Variants in PTCHD4 observed in about 807,000 individuals in gnomAD.
PTCHD4 encodes patched domain containing 4, also known as patched domain-containing protein 4.
Under a neutral mutation model 58.1 loss-of-function variants are expected in PTCHD4, and 33 were observed. The ratio of observed to expected loss-of-function variants is 0.57; its 90% CI spans 0.43 to 0.76. PTCHD4 has a LOEUF of 0.76. Among genes scored for constraint, PTCHD4 ranks in the 30% least tolerant of loss-of-function variants. The pLI, the probability that PTCHD4 is intolerant of heterozygous loss-of-function variation, is 0.00. For missense variants in PTCHD4, 1,058 were observed against 1,027.1 expected, an observed-to-expected ratio of 1.03 and a Z score of -0.41; for synonymous variants, 478 against 409.6, an observed-to-expected ratio of 1.17 and a Z score of -2.02.
intron 4 of PTCHD4, among the ~76,000 whole-genome samples, chr6:47,964,517 A>G (rs1432807318): frequency 1.3e-5 from 2 of 152,214 alleles, no homozygotes; most frequent in African/African-American, 4.8e-5. Context: ...TGGAAATTGT[A>G]TAAGTACAAA....
rs1488328487 is a variant in PTCHD4 at position 48,087,505 on chromosome 6, G to A, written c.-969-17579C>T. Among the ~76,000 whole-genome samples the A allele has an allele frequency of 2.0e-5, 3 of 152,036 alleles. No individual in the cohort carries two copies. The East Asian group carries it at 5.8e-4, about 29-fold the overall frequency. ...AATTATACTAATTTACATTCATGGG[G>A]CCCTTACTAAGAGACAGGACCCTTG... On this transcript the variant is annotated intron_variant, in intron 1 of 4. Coordinates refer to ENST00000339488, the MANE Select transcript of PTCHD4 (RefSeq NM_001384253.1).
rs1490659608 is a variant in PTCHD4 at position 47,865,878 on chromosome 6, TG to T, written c.*12424del. ...TTGCAGGTCCTTATATGAAACTTTCTGGTTTGTACAAATTCAACTCCTGTAC... is the reference window on the plus strand; with the variant it reads ...TTGCAGGTCCTTATATGAAACTTTCTGTTTGTACAAATTCAACTCCTGTAC... On this transcript the variant is annotated 3_prime_UTR_variant, in exon 5 of 5. Coordinates refer to ENST00000339488, the MANE Select transcript of PTCHD4 (RefSeq NM_001384253.1). 6.6e-6 allele frequency among the ~76,000 whole-genome samples: 1 copy of T among 151,940 alleles called. No individual in the cohort carries two copies. Among genetic ancestry groups the T allele is most frequent in the Admixed American group, 6.6e-5 (1 of 15,232 alleles).
intron 3 of PTCHD4, among the ~76,000 whole-genome samples, chr6:48,034,863 T>C (rs895910380): frequency 1.3e-5 from 2 of 152,142 alleles, no homozygotes; most frequent in Non-Finnish European, 2.9e-5. Flanking sequence ...AATAATAACA[T>C]GCTGGATACA....
intron 3 of PTCHD4, among the ~76,000 whole-genome samples, chr6:48,063,922 G>A (rs1764711629): frequency 6.6e-6 from 1 of 152,166 alleles, no homozygotes; most frequent in African/African-American, 2.4e-5. Context: ...TGAGATTGGA[G>A]CTAAATAATT....
rs545287723 is a variant in PTCHD4 at position 48,098,709 on chromosome 6, C to T, written c.-970+12340G>A. Among the ~76,000 whole-genome samples the T allele has an allele frequency of 2.1e-4, 32 of 152,206 alleles. No individual in the cohort carries two copies. The East Asian group carries it at 4.6e-3, about 22-fold the overall frequency. ...GCTTATGTTTGGTAATATCTATTACCGCTTAGTGCTTGCAGAAAGAGACTA... is the reference window on the plus strand; with the variant it reads ...GCTTATGTTTGGTAATATCTATTACTGCTTAGTGCTTGCAGAAAGAGACTA... On this transcript the variant is annotated intron_variant, in intron 1 of 4. Transcript: ENST00000339488.
At chr6:47,977,431 A>G (rs1767733009) in intron 4 of PTCHD4, among the ~76,000 whole-genome samples, 1 of 152,186 alleles carries the variant, frequency 6.6e-6, no homozygotes, top group African/African-American at 2.4e-5. Flanking sequence ...GGAATTAAGG[A>G]TAAGTTCTGG....
intron 3 of PTCHD4, among the ~76,000 whole-genome samples, chr6:48,057,666 A>G (rs1452164159): frequency 6.6e-6 from 1 of 152,226 alleles, no homozygotes; most frequent in Non-Finnish European, 1.5e-5. Flanking sequence ...AGCCAAAGGA[A>G]GAGTATGAAT....
intron 4 of PTCHD4, among the ~76,000 whole-genome samples, chr6:47,935,263 A>G (rs187273385): frequency 5.4e-4 from 82 of 152,296 alleles, no homozygotes; most frequent in African/African-American, 1.9e-3. Context: ...TGGGAAGTCT[A>G]TCATTCGTAT....
chr6:47,859,663 C>T lies in PTCHD4; in HGVS notation c.*18640G>A, dbSNP rs963390852. On this transcript the variant is annotated 3_prime_UTR_variant, in exon 5 of 5. Coordinates refer to ENST00000339488, the MANE Select transcript of PTCHD4 (RefSeq NM_001384253.1). ...GAAAAATATCTCTGCCCCCTTAGAG[C>T]TTTCAATTTACTGGGGACAGACAGA... is the stretch of plus-strand genomic sequence containing the variant. Among the ~76,000 whole-genome samples, 14 of 151,914 alleles carry T rather than the reference C, an allele frequency of 9.2e-5. No homozygotes were observed. Among genetic ancestry groups the T allele is most frequent in the Non-Finnish European group, 2.9e-5 (2 of 67,964 alleles).
rs1323189444 is a variant in PTCHD4 at position 47,877,159 on chromosome 6, G to C, written c.*1144C>G. Among the ~76,000 whole-genome samples, 2 of 151,988 alleles carry C rather than the reference G, an allele frequency of 1.3e-5. No individual in the cohort carries two copies. The highest frequency in any genetic ancestry group is 2.9e-5 in the Non-Finnish European group (2 of 67,944). ...AGATGGCATGTGATGAGTGGGTATG[G>C]TCCATTTTATTCTATTTCACTCTAC... On this transcript the variant is annotated 3_prime_UTR_variant, in exon 5 of 5. Transcript: ENST00000339488.
Position 47,873,887 on chromosome 6 carries a change from C to A in PTCHD4, c.*4416G>T, listed in dbSNP as rs1763781752. Among the ~76,000 whole-genome samples the A allele has an allele frequency of 6.6e-6, 1 of 151,622 alleles. No individual in the cohort carries two copies. The highest frequency in any genetic ancestry group is 2.4e-5 in the African/African-American group (1 of 41,356). ...TTTGTTTGTAAAGGGAAGAAAAGTG[C>A]TTCTGAGGCTCTTTTGGAATAAGTA... On this transcript the variant is annotated 3_prime_UTR_variant, in exon 5 of 5. Coordinates refer to ENST00000339488, the MANE Select transcript of PTCHD4 (RefSeq NM_001384253.1).
At chr6:47,965,703 C>T (rs1581945054) in intron 4 of PTCHD4, among the ~76,000 whole-genome samples, 2 of 152,082 alleles carry the variant, frequency 1.3e-5, no homozygotes, top group East Asian at 1.9e-4. Context: ...CCAAGGAGGG[C>T]GGATCACGAG....
At chr6:48,030,709 T>C (rs1342112632) in intron 3 of PTCHD4, among the ~76,000 whole-genome samples, 1 of 152,130 alleles carries the variant, frequency 6.6e-6, no homozygotes, top group Non-Finnish European at 1.5e-5. Flanking sequence ...TCCATCATCC[T>C]CCACCATCTA....
intron 3 of PTCHD4, among the ~76,000 whole-genome samples, chr6:48,065,758 A>T (rs1301986120): frequency 2.0e-5 from 3 of 152,174 alleles, no homozygotes; most frequent in Non-Finnish European, 4.4e-5. Flanking sequence ...ATTTACCCAA[A>T]CATAGTTTAA....
At chr6:48,109,078 G>C (rs183044743) in intron 1 of PTCHD4, among the ~76,000 whole-genome samples, 1 of 152,062 alleles carries the variant, frequency 6.6e-6, no homozygotes, top group South Asian at 2.1e-4. Flanking sequence ...GGAAAATGAA[G>C]TAAAATACCT....
At position 47,955,032 on chromosome 6, in the gene PTCHD4, A is replaced by G. The variant is rs542206441; in HGVS notation, c.898+53602T>C. Among the ~76,000 whole-genome samples the G allele has an allele frequency of 3.3e-5, 5 of 152,300 alleles. No individual in the cohort carries two copies. In the East Asian group the frequency reaches 7.7e-4, roughly 24 times the overall value. On this transcript the variant is annotated intron_variant, in intron 4 of 4. Transcript: ENST00000339488. ...AGCCAAACATAGGCATGACCATCAA[A>G]TGATTTACACTCAGTCTCTGAGCCA...
rs1763898153 is a variant in PTCHD4 at position 47,878,185 on chromosome 6, C to T, written c.*118G>A. 2.0e-5 allele frequency: 17 copies of T among 858,526 alleles called. No individual in the cohort carries two copies. Among genetic ancestry groups the T allele is most frequent in the Non-Finnish European group, 3.1e-5 (17 of 548,008 alleles). The allele number at this position is 858,526 out of a possible 1,614,324, so 53.2% of individuals were successfully genotyped here. A position where few individuals can be genotyped will look rare whatever the true frequency, so the allele number is the denominator to read the frequency against. Reference sequence around the variant, plus strand: ...CTTGAAGTGTCATGAATAATGCACTCTTGATCTGACTTGCCTTGTTACCCC... The same window carrying T: ...CTTGAAGTGTCATGAATAATGCACTTTTGATCTGACTTGCCTTGTTACCCC... On this transcript the variant is annotated 3_prime_UTR_variant, in exon 5 of 5. Coordinates refer to ENST00000339488, the MANE Select transcript of PTCHD4 (RefSeq NM_001384253.1).
intron 4 of PTCHD4, among the ~76,000 whole-genome samples, chr6:47,950,839 A>T (rs1365351229): frequency 6.6e-6 from 1 of 152,156 alleles, no homozygotes; most frequent in African/African-American, 2.4e-5. Context: ...AAAACCATAA[A>T]AAGGGGATAA....
At chr6:48,078,840 C>T (rs185122493) in intron 1 of PTCHD4, among the ~76,000 whole-genome samples, 3 of 152,196 alleles carry the variant, frequency 2.0e-5, no homozygotes, top group South Asian at 2.1e-4. Context: ...ATATTTTGGC[C>T]GGGCGCGGTG....
Sources: gnomAD v4.1 joint callset for allele counts (sites outside exome capture counted in the v4.1 genomes callset) on GRCh38, gnomAD v4.1.1 for gene constraint, MANE v1.5 for transcripts, NCBI Gene and HGNC (gene_info 2026-07-23, HGNC 2026-07-21) for gene names.